PKHD1: variants seen among roughly 807,000 people sequenced by gnomAD.
PKHD1 encodes fibrocystin.
In PKHD1, 291 loss-of-function variants were observed where a neutral mutation model predicts 412.0. The ratio of observed to expected loss-of-function variants is 0.71; its 90% CI spans 0.64 to 0.78. PKHD1 has a LOEUF of 0.78. Ranked by LOEUF, PKHD1 falls within the 30% of genes least tolerant of loss-of-function variation. The pLI is 0.00. For synonymous variants in PKHD1, 1,777 were observed against 1,821.5 expected, an observed-to-expected ratio of 0.98 and a Z score of 0.62; for missense variants, 4,825 against 4,950.7, an observed-to-expected ratio of 0.97 and a Z score of 0.76.
At chr6:51,890,522 A>G (rs899157625) in intron 43 of PKHD1, among the ~76,000 whole-genome samples, 2 of 151,976 alleles carry the variant, frequency 1.3e-5, no homozygotes, top group Non-Finnish European at 2.9e-5. Context: ...GCCAGCTCCT[A>G]GAGGTGTGCA....
At chr6:51,955,831 A>G (rs1791042260) in intron 36 of PKHD1, among the ~76,000 whole-genome samples, 1 of 152,080 alleles carries the variant, frequency 6.6e-6, no homozygotes, top group East Asian at 1.9e-4. Context: ...TTGGCTTGAA[A>G]TTTCTCAGGC....
intron 49 of PKHD1, 137 bp from the exon 50 acceptor site, chr6:51,848,107 C>T: frequency 1.5e-6 from 1 of 679,956 alleles, no homozygotes. Flanking sequence ...AATTTAGACC[C>T]AGATTGTACT....
intron 37 of PKHD1, among the ~76,000 whole-genome samples, chr6:51,920,036 T>C (rs114088488): frequency 1.4e-3 from 215 of 152,364 alleles, no homozygotes; most frequent in African/African-American, 5.1e-3. Context: ...GCTGAGAGGA[T>C]TGGGTTTTCT....
chr6:51,983,479 C>T (rs1181865013), intron 35 of PKHD1, among the ~76,000 whole-genome samples: 1 of 152,186 alleles, frequency 6.6e-6, no homozygotes, highest in Admixed American at 6.5e-5. Flanking sequence ...AAACACTCCT[C>T]CTAAAACTCA....
rs757770822 is a variant in PKHD1 at position 51,744,414 on chromosome 6, G to C, written c.10127C>G (p.Ala3376Gly). 4 of 1,613,754 alleles carry C rather than the reference G, an allele frequency of 2.5e-6. No individual in the cohort carries two copies. Among genetic ancestry groups the C allele is most frequent in the South Asian group, 1.1e-5 (1 of 91,078 alleles). The change falls in exon 60 of 67, where the codon GCA (alanine) becomes GGA (glycine). Residue 3376 changes from alanine to glycine, a missense_variant. Physicochemically the swap from Ala to Gly is moderately conservative, Grantham distance 60. Coordinates refer to ENST00000371117, the MANE Select transcript of PKHD1 (RefSeq NM_138694.4). ...GTTGAAGAAGGATGCAGTCCATTCT[G>C]CCTCTGTTTTAGGAAATACAGAAAC... ...PPVSVFPKTE[A>G]EWTASFFNAG...
intron 63 of PKHD1, 102 bp downstream of exon 63, chr6:51,647,929 T>C: frequency 1.3e-6 from 1 of 772,430 alleles, no homozygotes; most frequent in South Asian, 1.4e-5. Flanking sequence ...ACTGAAGAAA[T>C]TCAGTATTAC....
At chr6:51,926,205 G>A (rs1785589473) in intron 37 of PKHD1, among the ~76,000 whole-genome samples, 5 of 152,238 alleles carry the variant, frequency 3.3e-5, no homozygotes, top group South Asian at 4.2e-4. Context: ...CCTTTCATCT[G>A]GAGTCACAGG....
At position 51,912,453 on chromosome 6, in the gene PKHD1, G is replaced by A. The variant is rs147487242; in HGVS notation, c.6245C>T (p.Thr2082Ile). ...CATCGGTTTGGCACCTTTAACACCT[G>A]TTCCACTGATGATGACAACTTCATC... ...PGDEVVIISG[T>I]GVKGAKPMEE... The change falls in exon 38 of 67, where the codon ACA (threonine) becomes ATA (isoleucine). Residue 2082 changes from threonine (T) to isoleucine (I), a missense_variant. Transcript: ENST00000371117. 5,061 of 1,612,630 alleles carry A rather than the reference G, an allele frequency of 3.1e-3. 120 individuals are homozygous for A. The highest frequency in any genetic ancestry group is 9.2e-3 in the Admixed American group (554 of 59,936).
At chr6:52,063,768 T>A (rs1262218605) in intron 13 of PKHD1, among the ~76,000 whole-genome samples, 1 of 152,212 alleles carries the variant, frequency 6.6e-6, no homozygotes, top group Non-Finnish European at 1.5e-5. Flanking sequence ...CATTGCTACG[T>A]GTCCCCCGAG....
intron 53 of PKHD1, among the ~76,000 whole-genome samples, chr6:51,780,285 C>T (rs1431084347): frequency 6.6e-6 from 1 of 151,934 alleles, no homozygotes; most frequent in Non-Finnish European, 1.5e-5. Context: ...ACTCAAGAGG[C>T]TGAGGCAGGA....
intron 56 of PKHD1, among the ~76,000 whole-genome samples, chr6:51,754,436 G>A (rs1786624911): frequency 6.6e-6 from 1 of 152,068 alleles, no homozygotes; most frequent in Non-Finnish European, 1.5e-5. Flanking sequence ...GAAATAAACT[G>A]GAAACTCAGT....
rs538243592 is a variant in PKHD1, at chr6:51,658,490, G to T, written c.11174+462C>A. On this transcript the variant is annotated intron_variant, in intron 61 of 66. Transcript: ENST00000371117. ...CCAAATTCCACATTCACTGGAGATG[G>T]TTGTATAGAAGTAGTCACTACCCAT... 5.3e-4 allele frequency among the ~76,000 whole-genome samples: 80 copies of T among 152,168 alleles called. 1 individual carries two copies. The highest frequency in any genetic ancestry group is 1.9e-3 in the African/African-American group (78 of 41,534).
intron 52 of PKHD1, among the ~76,000 whole-genome samples, chr6:51,823,071 G>C (rs79901593): frequency 6.8e-6 from 1 of 147,866 alleles, no homozygotes; most frequent in African/African-American, 2.5e-5. Flanking sequence ...GGTTAAGTAA[G>C]AGAAAGAAGT....
intron 53 of PKHD1, among the ~76,000 whole-genome samples, chr6:51,780,363 G>A (rs1021429329): frequency 6.6e-6 from 1 of 151,606 alleles, no homozygotes; most frequent in Admixed American, 6.6e-5. Flanking sequence ...ACTCCAGCCT[G>A]GTGACAGAGA....
At chr6:51,774,434 G>T (rs1562281768) in intron 54 of PKHD1, among the ~76,000 whole-genome samples, 1 of 151,956 alleles carries the variant, frequency 6.6e-6, no homozygotes, top group African/African-American at 2.4e-5. Context: ...TTGTTCCAGT[G>T]TTATCACGCT....
At chr6:51,909,211 T>C in intron 40 of PKHD1, 72 bp downstream of exon 40, 1 of 1,091,972 alleles carries the variant, frequency 9.2e-7, no homozygotes, top group Non-Finnish European at 1.4e-6. Flanking sequence ...CATCTATCAT[T>C]CCACCATGCA....
chr6:51,896,256 A>G (rs1337355588), intron 43 of PKHD1, among the ~76,000 whole-genome samples: 1 of 151,944 alleles, frequency 6.6e-6, no homozygotes, highest in African/African-American at 2.4e-5. Context: ...GCAGACTTAA[A>G]TGTCCCTGTC....
intron 53 of PKHD1, among the ~76,000 whole-genome samples, chr6:51,790,005 G>T (rs1019365916): frequency 2.6e-5 from 4 of 152,106 alleles, no homozygotes; most frequent in African/African-American, 9.7e-5. Context: ...GTCACTGGAA[G>T]TATTCAAGAA....
At chr6:51,656,079 C>T (rs1218670905) in intron 61 of PKHD1, among the ~76,000 whole-genome samples, 1 of 152,156 alleles carries the variant, frequency 6.6e-6, no homozygotes, top group Non-Finnish European at 1.5e-5. Flanking sequence ...ATAGCAAAGA[C>T]TTGGAACCAA....
Sources: allele counts gnomAD v4.1 joint callset (sites outside exome capture counted in the v4.1 genomes callset), GRCh38; gene constraint gnomAD v4.1.1; transcripts MANE v1.5; gene names NCBI Gene and HGNC (gene_info 2026-07-23, HGNC 2026-07-21).